Variants in CNBD1 observed in about 807,000 individuals in gnomAD.
CNBD1 encodes the protein cyclic nucleotide-binding domain-containing protein 1.
A neutral mutation model predicts 54.4 loss-of-function variants in CNBD1; 71 were observed. The ratio of observed to expected loss-of-function variants is 1.30; its 90% confidence interval spans 1.08 to 1.59. The LOEUF (loss-of-function observed/expected upper bound fraction) is 1.59, where lower values mean the gene tolerates loss of function less well. Among genes scored for constraint, CNBD1 ranks in the 40% most tolerant of loss-of-function variants. CNBD1 has a pLI of 0.00. For missense variants in CNBD1, 659 were observed against 518.0 expected (o/e 1.27, Z -2.64); for synonymous variants, 182 against 170.7 (o/e 1.07, Z -0.51).
intron 6 of CNBD1, among the ~76,000 whole-genome samples, chr8:87,249,451 C>A (rs1383348136): frequency 2.6e-5 from 4 of 152,052 alleles, no homozygotes; most frequent in African/African-American, 9.7e-5. Flanking sequence ...GTAGAGGATG[C>A]TTCTTCATCA....
chr8:86,985,658 C>T (rs1444950016), intron 4 of CNBD1, among the ~76,000 whole-genome samples: 1 of 152,118 alleles, frequency 6.6e-6, no homozygotes, highest in Non-Finnish European at 1.5e-5. Flanking sequence ...CTGCAATGAA[C>T]ATGTAAGTGC....
At chr8:86,978,534 C>CTTTTTTTTTTTTTTTTTTTTTTTTT (rs71277907) in intron 4 of CNBD1, among the ~76,000 whole-genome samples, 1 of 66,708 alleles carries the variant, frequency 1.5e-5, no homozygotes, top group African/African-American at 6.2e-5. Context: ...ATGCTTTTAT[C>CTTTTTTTTTTTTTTTTTTTTTTTTT]TTTTTTTTTT....
intron 4 of CNBD1, among the ~76,000 whole-genome samples, chr8:86,999,408 G>A (rs1808946719): frequency 6.6e-6 from 1 of 152,150 alleles, no homozygotes; most frequent in South Asian, 2.1e-4. Context: ...AATAATGTGA[G>A]CAATGCATCT....
intron 4 of CNBD1, among the ~76,000 whole-genome samples, chr8:87,066,536 A>G (rs1810658446): frequency 1.3e-5 from 2 of 151,944 alleles, no homozygotes; most frequent in South Asian, 4.1e-4. Context: ...ATATTCTAAA[A>G]CTTTTCAATT....
intron 4 of CNBD1, among the ~76,000 whole-genome samples, chr8:87,079,102 A>T (rs949466632): frequency 3.9e-5 from 6 of 152,198 alleles, no homozygotes; most frequent in African/African-American, 1.4e-4. Flanking sequence ...TTCTGTATAA[A>T]TTGAGTCTTA....
intron 10 of CNBD1, among the ~76,000 whole-genome samples, chr8:87,355,609 G>A (rs955379641): frequency 2.6e-5 from 4 of 152,088 alleles, no homozygotes; most frequent in African/African-American, 9.7e-5. Flanking sequence ...GGATATTAAA[G>A]AAAATTGTAG....
rs144125404 is a variant in CNBD1 at position 87,109,515 on chromosome 8, G to A, written c.432-96478G>A. On this transcript the variant is annotated intron_variant, in intron 4 of 10. Coordinates refer to ENST00000518476, the MANE Select transcript of CNBD1 (RefSeq NM_173538.3). Reference sequence around the variant, plus strand: ...ACTACTTGGAAAATTTAAAAGTCAGGGTTTGTTTCTTTCTTTCTTTCTTTC... The same window carrying A: ...ACTACTTGGAAAATTTAAAAGTCAGAGTTTGTTTCTTTCTTTCTTTCTTTC... Among the ~76,000 whole-genome samples, 300 of 148,570 alleles carry A rather than the reference G, an allele frequency of 2.0e-3. 6 individuals carry two copies. The highest frequency in any genetic ancestry group is 2.2e-3 in the Non-Finnish European group (149 of 67,282).
At chr8:87,419,077 A>G (rs375129138) in intron 2 of CNBD1, among the ~76,000 whole-genome samples, 11 of 150,184 alleles carry the variant, frequency 7.3e-5, no homozygotes, top group African/African-American at 2.7e-4. Flanking sequence ...GATGAAGAAA[A>G]TATGGCATGT....
At chr8:86,998,477 TGAA>T (rs927837868) in intron 4 of CNBD1, among the ~76,000 whole-genome samples, 3 of 152,134 alleles carry the variant, frequency 2.0e-5, no homozygotes, top group South Asian at 2.1e-4. Context: ...TTATGAGAGC[TGAA>T]GAAGAAGGCA....
chr8:86,883,009 G>A (rs1296594710), intron 1 of CNBD1, among the ~76,000 whole-genome samples: 1 of 152,090 alleles, frequency 6.6e-6, no homozygotes, highest in Non-Finnish European at 1.5e-5. Flanking sequence ...AACATACACT[G>A]AGACTTACTG....
intron 10 of CNBD1, among the ~76,000 whole-genome samples, chr8:87,357,735 G>T (rs1231543033): frequency 6.6e-6 from 1 of 152,126 alleles, no homozygotes; most frequent in Non-Finnish European, 1.5e-5. Context: ...CTGTTGGGAA[G>T]GGGTGATTAT....
chr8:87,225,361 T>G (rs2071981969), intron 5 of CNBD1, among the ~76,000 whole-genome samples: 1 of 151,976 alleles, frequency 6.6e-6, no homozygotes, highest in South Asian at 2.1e-4. Context: ...GCCCATTCAG[T>G]ATGATATTGG....
intron 10 of CNBD1, among the ~76,000 whole-genome samples, chr8:87,366,876 T>C (rs566772159): frequency 9.2e-5 from 14 of 152,194 alleles, no homozygotes; most frequent in African/African-American, 3.4e-4. Flanking sequence ...ATAAACTGTT[T>C]TTTCACTATG....
chr8:87,000,615 C>T (rs1360190284), intron 4 of CNBD1, among the ~76,000 whole-genome samples: 2 of 152,068 alleles, frequency 1.3e-5, no homozygotes, highest in African/African-American at 2.4e-5. Context: ...ACAGGTTTGG[C>T]CCATGATAAC....
At chr8:86,951,247 T>C (rs1375603570) in intron 4 of CNBD1, among the ~76,000 whole-genome samples, 1 of 152,126 alleles carries the variant, frequency 6.6e-6, no homozygotes, top group African/African-American at 2.4e-5. Context: ...AAAGTACAGA[T>C]AATGCAACTA....
chr8:87,198,961 G>T (rs894524724), intron 4 of CNBD1, among the ~76,000 whole-genome samples: 1 of 152,166 alleles, frequency 6.6e-6, no homozygotes, highest in South Asian at 2.1e-4. Context: ...ATCTTGCAAG[G>T]TGAAAGGGCA....
In CNBD1 at chr8:86,940,542, A is replaced by T. The variant is rs1809636431; in HGVS notation, c.431+788A>T. On this transcript the variant is annotated intron_variant, in intron 4 of 10. Transcript: ENST00000518476. ...GCCTGAAGAAGGAGGGGTGTGGAGG[A>T]GAAGATTAAATCTGAGTGTAGGCTG... Among the ~76,000 whole-genome samples the T allele has an allele frequency of 5.9e-5, 9 of 152,276 alleles. No homozygotes were observed. The South Asian group carries it at 1.9e-3, about 32-fold the overall frequency.
At chr8:87,304,472 AC>A (rs1423665256) in intron 8 of CNBD1, among the ~76,000 whole-genome samples, 15 of 149,900 alleles carry the variant, frequency 1.0e-4, no homozygotes, top group African/African-American at 3.7e-4. Flanking sequence ...AACATCACAC[AC>A]CAGGGCCTGT....
chr8:86,897,382 G>A lies in CNBD1; in HGVS notation c.159-7699G>A, dbSNP rs557805547. On this transcript the variant is annotated intron_variant, in intron 2 of 10. Transcript: ENST00000518476. Reference sequence around the variant, plus strand: ...TGAGTTAACACAAATAAGTAACTGCGCAAAGTGGCTACTACCCTAAGACGG... The same window carrying A: ...TGAGTTAACACAAATAAGTAACTGCACAAAGTGGCTACTACCCTAAGACGG... Among the ~76,000 whole-genome samples the A allele has an allele frequency of 8.1e-4, 124 of 152,258 alleles. 3 individuals carry two copies. The South Asian group carries it at 0.023, about 28-fold the overall frequency.
Sources: gnomAD v4.1 joint callset for allele counts (sites outside exome capture counted in the v4.1 genomes callset) on GRCh38, gnomAD v4.1.1 for gene constraint, MANE v1.5 for transcripts, NCBI Gene and HGNC (gene_info 2026-07-23, HGNC 2026-07-21) for gene names.